The following HDAC4 variants were observed in gnomAD, a reference collection of about 807,000 sequenced individuals.
The protein encoded by HDAC4 is histone deacetylase A.
Under a neutral mutation model 135.1 loss-of-function variants are expected in HDAC4, and 16 were observed. That is an observed-to-expected ratio of 0.12 (90% confidence interval 0.08 to 0.18). HDAC4 has a LOEUF of 0.18. Ranked by LOEUF, HDAC4 falls within the 10% of genes least tolerant of loss-of-function variation. HDAC4 has a pLI of 1.00. For missense variants in HDAC4, 1,143 were observed against 1,511.8 expected, an observed-to-expected ratio of 0.76 and a Z score of 4.05; for synonymous variants, 685 against 653.4, an observed-to-expected ratio of 1.05 and a Z score of -0.74.
chr2:239,307,355 A>T lies in HDAC4; in HGVS notation c.22+45323T>A, dbSNP rs1348434656. ...GCCGAGGAGCCGGAGGCCCCAACAC[A>T]AGAGCGGCTCTCCGTGATGCCCAGA... On this transcript the variant is annotated intron_variant, in intron 2 of 26. Transcript: ENST00000543185. This position sits in a 1 kb window ranked among gnomAD's most constrained non-coding sequence, Gnocchi z 4.8. Among the ~76,000 whole-genome samples, 1 of 152,098 alleles carries T rather than the reference A, an allele frequency of 6.6e-6. No individual in the cohort carries two copies. The highest frequency in any genetic ancestry group is 1.5e-5 in the Non-Finnish European group (1 of 68,014).
chr2:239,159,589 TCA>T (rs2042659107), intron 6 of HDAC4, among the ~76,000 whole-genome samples: 1 of 141,122 alleles, frequency 7.1e-6, no homozygotes, highest in African/African-American at 2.7e-5. Context: ...TTCCCACACC[TCA>T]CACTCATACC....
chr2:239,318,560 G>A (rs866868192), intron 2 of HDAC4, among the ~76,000 whole-genome samples: 1 of 151,944 alleles, frequency 6.6e-6, no homozygotes, highest in Non-Finnish European at 1.5e-5. Context: ...ATGCCTGCTC[G>A]CTGTTATTTT....
In HDAC4 at chr2:239,307,563, G is replaced by A. The variant is rs986620230; in HGVS notation, c.22+45115C>T. ...CTCCGTCCTCTCACCTAGATAAAGT[G>A]AGTGTCTGCTTCCTGGACCTCGCAG... is the stretch of plus-strand genomic sequence containing the variant. On this transcript the variant is annotated intron_variant, in intron 2 of 26. Coordinates refer to ENST00000543185, the MANE Select transcript of HDAC4 (RefSeq NM_001378414.1). The surrounding 1 kb of genome is among the most constrained non-coding windows in gnomAD (Gnocchi z 4.8). Among the ~76,000 whole-genome samples, 6 of 152,316 alleles carry A rather than the reference G, an allele frequency of 3.9e-5. No homozygotes were observed. In the East Asian group the frequency reaches 5.8e-4, roughly 15 times the overall value.
chr2:239,342,848 G>A (rs1037085123), intron 2 of HDAC4, among the ~76,000 whole-genome samples: 6 of 103,852 alleles, frequency 5.8e-5, no homozygotes, highest in South Asian at 3.5e-4. Context: ...GCCCAGCGTC[G>A]TCTTGGAGGG....
intron 4 of HDAC4, among the ~76,000 whole-genome samples, chr2:239,185,956 C>T (rs1421501360): frequency 6.6e-6 from 1 of 152,118 alleles, no homozygotes; most frequent in Non-Finnish European, 1.5e-5. Flanking sequence ...ATCGCTTGAA[C>T]CTGGGAGGCG....
chr2:239,305,404 T>C (rs547310549), intron 2 of HDAC4: 3 of 152,772 alleles, frequency 2.0e-5, no homozygotes, highest in Non-Finnish European at 2.9e-5. Context: ...CTGGTGCAAG[T>C]GGCTCGCTGT....
chr2:239,354,562 A>ATTTT (rs566361037), intron 1 of HDAC4, among the ~76,000 whole-genome samples: 3 of 76,534 alleles, frequency 3.9e-5, no homozygotes, highest in Non-Finnish European at 6.9e-5. Flanking sequence ...TAGTCTAGAA[A>ATTTT]TTTTTTTTTT....
Position 239,126,468 on chromosome 2 carries a change from C to A in HDAC4, c.1521G>T (p.Leu507=). ...KHKQQFQQQQ[L]QMNKIIPKPS... Reference sequence around the variant, plus strand: ...CCGGCAAACCCACCTTGTTCATCTGCAGTTGCTGCTGCTGGAACTGCTGCT... The same window carrying A: ...CCGGCAAACCCACCTTGTTCATCTGAAGTTGCTGCTGCTGGAACTGCTGCT... Residue 507 remains leucine (L), a synonymous_variant, in exon 12 of 27, where the codon CTG becomes CTT. Coordinates refer to ENST00000543185, the MANE Select transcript of HDAC4 (RefSeq NM_001378414.1). The A allele has an allele frequency of 1.2e-6, 2 of 1,613,848 alleles. No homozygotes were observed. Among genetic ancestry groups the A allele is most frequent in the Non-Finnish European group, 1.7e-6 (2 of 1,179,980 alleles).
intron 3 of HDAC4, among the ~76,000 whole-genome samples, chr2:239,216,414 G>A (rs2046642697): frequency 6.6e-6 from 1 of 152,184 alleles, no homozygotes; most frequent in South Asian, 2.1e-4. Context: ...TGAGGAGGAA[G>A]ACGATGAGGA....
chr2:239,346,545 AAACACACCTTCACACACACACACAC>A (rs1692688605), intron 2 of HDAC4, among the ~76,000 whole-genome samples: 1 of 117,998 alleles, frequency 8.5e-6, no homozygotes, highest in Admixed American at 9.2e-5. Context: ...TAAAACACAC[AAACACACCTTCACACACACACACAC>A]ACACACAGAC....
chr2:239,234,244 C>T (rs3791624), intron 3 of HDAC4, among the ~76,000 whole-genome samples: 24,312 of 152,128 alleles, frequency 0.16, 2,839 homozygotes, highest in East Asian at 0.37. Context: ...ATCGCTGCTA[C>T]GTTATTTAAA....
intron 2 of HDAC4, among the ~76,000 whole-genome samples, chr2:239,264,384 C>T (rs977291333): frequency 4.6e-5 from 7 of 152,226 alleles, no homozygotes; most frequent in South Asian, 4.1e-4. Flanking sequence ...GGGCAGGAAA[C>T]TGGATTTTGT....
At chr2:239,100,115 C>T (rs762470245) in intron 16 of HDAC4, among the ~76,000 whole-genome samples, 5 of 152,254 alleles carry the variant, frequency 3.3e-5, no homozygotes, top group Non-Finnish European at 5.9e-5. Flanking sequence ...CTGTTTCTCC[C>T]TAAGAGGGTC....
intron 3 of HDAC4, among the ~76,000 whole-genome samples, chr2:239,234,417 C>T (rs1208174576): frequency 6.6e-6 from 1 of 152,174 alleles, no homozygotes; most frequent in East Asian, 1.9e-4. Context: ...TGCCACTTCT[C>T]AAGTCCGGCG....
At chr2:239,198,792 T>C (rs2045569535) in intron 3 of HDAC4, among the ~76,000 whole-genome samples, 1 of 152,188 alleles carries the variant, frequency 6.6e-6, no homozygotes, top group Non-Finnish European at 1.5e-5. Flanking sequence ...TTATCTTTCA[T>C]GAGAAATTCC....
chr2:239,226,867 T>G (rs1575461870), intron 3 of HDAC4, among the ~76,000 whole-genome samples: 1 of 151,826 alleles, frequency 6.6e-6, no homozygotes, highest in African/African-American at 2.4e-5. Context: ...AGCCACAGGG[T>G]GGCATTTCAG....
Position 239,285,284 on chromosome 2 carries a change from C to A in HDAC4, c.23-48620G>T, listed in dbSNP as rs912574261. Among the ~76,000 whole-genome samples the A allele has an allele frequency of 6.6e-6, 1 of 152,208 alleles. No individual in the cohort carries two copies. Among genetic ancestry groups the A allele is most frequent in the African/African-American group, 2.4e-5 (1 of 41,460 alleles). ...CATGCTGGGGGTGGGAGGGGCAGAT[C>A]CCTGCTGGGAGTGGAGAACGCGCCG... On this transcript the variant is annotated intron_variant, in intron 2 of 26. Transcript: ENST00000543185. This position sits in a 1 kb window ranked among gnomAD's most constrained non-coding sequence, Gnocchi z 4.5.
chr2:239,295,239 G>A (rs2125555035), intron 2 of HDAC4, among the ~76,000 whole-genome samples: 1 of 147,484 alleles, frequency 6.8e-6, no homozygotes, highest in South Asian at 2.2e-4. Context: ...CCCGGGAGGC[G>A]GAGCTTGCAG....
intron 13 of HDAC4, among the ~76,000 whole-genome samples, chr2:239,113,777 G>GGACGA (rs1424633416): frequency 6.6e-6 from 1 of 152,188 alleles, no homozygotes; most frequent in African/African-American, 2.4e-5. Flanking sequence ...CAGGACCTGT[G>GGACGA]GACGAGTGTT....
Sources: gnomAD v4.1 joint callset for allele counts (sites outside exome capture counted in the v4.1 genomes callset) on GRCh38, gnomAD v4.1.1 for gene constraint, Gnocchi (gnomAD v3.1) non-coding constraint, MANE v1.5 for transcripts, NCBI Gene and HGNC (gene_info 2026-07-23, HGNC 2026-07-21) for gene names.